The following CRTAC1 variants were observed in gnomAD, a reference collection of about 807,000 sequenced individuals.
CRTAC1 encodes cartilage acidic protein 1.
CRTAC1 carries 37 observed loss-of-function variants against 67.8 expected under a neutral mutation model. The observed-to-expected ratio is 0.55, with a 90% confidence interval of 0.42 to 0.72. The LOEUF is 0.72. CRTAC1 is among the 30% of genes least tolerant of loss of function. The probability of loss-of-function intolerance (pLI) is 0.00; values close to 1 mark genes in which losing one functional copy is unlikely to be tolerated. For synonymous variants in CRTAC1, 348 were observed against 371.0 expected (o/e 0.94, Z 0.71); for missense variants, 780 against 931.6 (o/e 0.84, Z 2.12).
Position 97,895,805 on chromosome 10 carries a change from C to T in CRTAC1, c.1317+80G>A, listed in dbSNP as rs78038487. On this transcript the variant is annotated intron_variant, in intron 10 of 14. Coordinates refer to ENST00000370597, the MANE Select transcript of CRTAC1 (RefSeq NM_018058.7). The surrounding 1 kb of genome is among the most constrained non-coding windows in gnomAD (Gnocchi z 4.2). ...CCACCATGCTGGCCAAGCCAGCACCCCGGCACCTTGCCCTCACCAACTCAA... is the reference window on the plus strand; with the variant it reads ...CCACCATGCTGGCCAAGCCAGCACCTCGGCACCTTGCCCTCACCAACTCAA... 1 of 1,234,770 alleles carries T rather than the reference C, an allele frequency of 8.1e-7. No individual in the cohort carries two copies. Among genetic ancestry groups the T allele is most frequent in the South Asian group, 1.3e-5 (1 of 78,518 alleles). 76.5% of individuals were successfully genotyped at this position (1,234,770 alleles called of 1,614,324 possible). A position where few individuals can be genotyped will look rare whatever the true frequency, so the allele number is the denominator to read the frequency against.
At chr10:97,891,031 T>C (rs774844263) in intron 11 of CRTAC1, among the ~76,000 whole-genome samples, 9 of 152,182 alleles carry the variant, frequency 5.9e-5, no homozygotes, top group Non-Finnish European at 1.2e-4. Flanking sequence ...ATTTACTATG[T>C]GTATTATGTA....
chr10:98,024,795 CCACACA>C (rs112213274), intron 1 of CRTAC1, among the ~76,000 whole-genome samples: 5 of 118,536 alleles, frequency 4.2e-5, no homozygotes, highest in African/African-American at 9.9e-5. Context: ...CACCTCTCCA[CCACACA>C]CACACACACA....
At chr10:98,025,274 C>T (rs905456480) in intron 1 of CRTAC1, among the ~76,000 whole-genome samples, 15 of 152,264 alleles carry the variant, frequency 9.9e-5, no homozygotes, top group Non-Finnish European at 1.6e-4. Context: ...TGCTGTGAGA[C>T]GTGTTCTGTG....
chr10:97,913,647 G>T (rs940943264), intron 5 of CRTAC1, among the ~76,000 whole-genome samples: 2 of 152,234 alleles, frequency 1.3e-5, no homozygotes, highest in African/African-American at 4.8e-5. Flanking sequence ...CCAGGGAAAA[G>T]GTCTCTGTGT....
At chr10:98,026,605 C>T (rs1843237440) in intron 1 of CRTAC1, among the ~76,000 whole-genome samples, 2 of 152,134 alleles carry the variant, frequency 1.3e-5, no homozygotes, top group African/African-American at 2.4e-5. Context: ...GGCTTTTCCT[C>T]TCCGGTGGTC....
chr10:97,951,279 G>T (rs555672138), intron 2 of CRTAC1, among the ~76,000 whole-genome samples: 1 of 152,324 alleles, frequency 6.6e-6, no homozygotes, highest in South Asian at 2.1e-4. Flanking sequence ...GTGGGGGTAG[G>T]ACTGGCTATG....
intron 11 of CRTAC1, chr10:97,884,604 T>TG (rs1419620986): frequency 2.8e-5 from 12 of 428,606 alleles, no homozygotes; most frequent in Admixed American, 1.2e-4. Flanking sequence ...ACTGGTAACA[T>TG]GTGGCTGTTG....
At chr10:97,879,905 T>C in intron 14 of CRTAC1, 1 of 1,099,792 alleles carries the variant, frequency 9.1e-7, no homozygotes, top group Admixed American at 2.7e-5. Flanking sequence ...AAATTACCAG[T>C]TTAGAAATTC....
chr10:97,937,093 G>A (rs1170244912), intron 2 of CRTAC1, among the ~76,000 whole-genome samples: 1 of 152,152 alleles, frequency 6.6e-6, no homozygotes, highest in Non-Finnish European at 1.5e-5. Flanking sequence ...CAGACCTGCT[G>A]GATCTTTTTC....
At chr10:97,993,805 G>A (rs1260439701) in intron 2 of CRTAC1, among the ~76,000 whole-genome samples, 1 of 152,220 alleles carries the variant, frequency 6.6e-6, no homozygotes, top group Non-Finnish European at 1.5e-5. Context: ...GCAATCTAAT[G>A]TGAGAGGAGA....
At chr10:97,900,957 C>T (rs1201031812) in intron 8 of CRTAC1, among the ~76,000 whole-genome samples, 8 of 132,738 alleles carry the variant, frequency 6.0e-5, no homozygotes, top group African/African-American at 9.0e-5. Flanking sequence ...GATTGGAGCC[C>T]GTAGCCCCTT....
chr10:97,927,851 G>T (rs116498729), intron 3 of CRTAC1, among the ~76,000 whole-genome samples: 57 of 152,236 alleles, frequency 3.7e-4, no homozygotes, highest in African/African-American at 1.3e-3. Flanking sequence ...CGAGCTGTGC[G>T]GGTCGATGGC....
intron 2 of CRTAC1, among the ~76,000 whole-genome samples, chr10:97,942,731 G>C (rs2051194657): frequency 1.3e-5 from 2 of 150,366 alleles, no homozygotes; most frequent in South Asian, 4.2e-4. Flanking sequence ...ATTAAGAACA[G>C]AGAAATTGTT....
Position 97,952,305 on chromosome 10 carries a change from T to C in CRTAC1, c.225-15939A>G, listed in dbSNP as rs527323327. On this transcript the variant is annotated intron_variant, in intron 2 of 14. Coordinates refer to ENST00000370597, the MANE Select transcript of CRTAC1 (RefSeq NM_018058.7). ...AGGCGGAGCTTGCAGTGAGCTGAAA[T>C]TGCGCCACTGCACTCCAGCCTGGGC... Among the ~76,000 whole-genome samples the C allele has an allele frequency of 6.0e-5, 9 of 151,074 alleles. No homozygotes were observed. In the South Asian group the frequency reaches 1.7e-3, roughly 28 times the overall value.
intron 2 of CRTAC1, among the ~76,000 whole-genome samples, chr10:97,985,348 T>C (rs1488708911): frequency 6.6e-6 from 1 of 152,328 alleles, no homozygotes; most frequent in African/African-American, 2.4e-5. Context: ...ACCAGTTCCA[T>C]GAGCTGATGG....
intron 2 of CRTAC1, among the ~76,000 whole-genome samples, chr10:97,985,529 T>C (rs1477525270): frequency 3.9e-5 from 6 of 152,132 alleles, no homozygotes; most frequent in Admixed American, 3.9e-4. Flanking sequence ...CTCTTCCTGC[T>C]TGCGGTATGC....
chr10:97,898,507 A>C (rs994050224), intron 8 of CRTAC1, among the ~76,000 whole-genome samples: 1 of 152,186 alleles, frequency 6.6e-6, no homozygotes, highest in Non-Finnish European at 1.5e-5. Context: ...GAACTGAAGA[A>C]AGCTTGTTGT....
chr10:97,893,490 AT>A (rs1303123697), intron 11 of CRTAC1, among the ~76,000 whole-genome samples: 2 of 152,084 alleles, frequency 1.3e-5, no homozygotes, highest in African/African-American at 4.8e-5. Context: ...TGTTTTTTCC[AT>A]CACTGTAATC....
At chr10:97,871,537 G>A (rs1303856550) in intron 14 of CRTAC1, 2 of 152,284 alleles carry the variant, frequency 1.3e-5, no homozygotes, top group South Asian at 2.1e-4. Context: ...ATTTATCCAA[G>A]GGTTCACTGA....
Sources: gnomAD v4.1 joint callset for allele counts (sites outside exome capture counted in the v4.1 genomes callset) on GRCh38, gnomAD v4.1.1 for gene constraint, Gnocchi (gnomAD v3.1) non-coding constraint, MANE v1.5 for transcripts, NCBI Gene and HGNC (gene_info 2026-07-23, HGNC 2026-07-21) for gene names.